MSL2: variants seen among roughly 807,000 people sequenced by gnomAD.
The protein encoded by MSL2 is E3 ubiquitin-protein ligase MSL2.
Under a neutral mutation model 35.8 loss-of-function variants are expected in MSL2, and 2 were observed. That is an observed-to-expected ratio of 0.06 (90% confidence interval 0.02 to 0.18). MSL2 has a LOEUF of 0.18. Among genes scored for constraint, MSL2 ranks in the 10% least tolerant of loss-of-function variants. The pLI is 1.00. For missense variants in MSL2, 523 were observed against 706.7 expected, an observed-to-expected ratio of 0.74 and a Z score of 2.95; for synonymous variants, 296 against 255.7, an observed-to-expected ratio of 1.16 and a Z score of -1.50.
rs1939392239 is a variant in MSL2 at position 136,152,145 on chromosome 3, A to C, written c.736T>G (p.Leu246Val). The C allele has an allele frequency of 6.2e-7, 1 of 1,614,104 alleles. No homozygotes were observed. Among genetic ancestry groups the C allele is most frequent in the African/African-American group, 1.3e-5 (1 of 74,938 alleles). ...PPVCDTVATD[L>V]CSTGIDICSF... ...CAGATATCAATGCCTGTGGAACATA[A>C]GTCAGTGGCTACTGTGTCACAAACG... Residue 246 changes from leucine (L) to valine (V), a missense_variant, in exon 2 of 2, where the codon TTA becomes GTA. By Grantham distance (32) the Leu-to-Val change is conservative. Transcript: ENST00000309993.
chr3:136,151,935 A>G lies in MSL2; in HGVS notation c.946T>C (p.Phe316Leu). 6.2e-7 allele frequency: 1 copy of G among 1,614,218 alleles called. No individual in the cohort carries two copies. Among genetic ancestry groups the G allele is most frequent in the South Asian group, 1.1e-5 (1 of 91,084 alleles). The change falls in exon 2 of 2, where the codon TTT (phenylalanine) becomes CTT (leucine). Residue 316 changes from phenylalanine (F) to leucine (L), a missense_variant. Physicochemically the swap from Phe to Leu is conservative, Grantham distance 22 (BLOSUM62 0). Coordinates refer to ENST00000309993, the MANE Select transcript of MSL2 (RefSeq NM_018133.4). The surrounding 1 kb of genome is among the most constrained non-coding windows in gnomAD (Gnocchi z 5.2). Reference sequence around the variant, plus strand: ...TGAAGTGCAGGACTGGTGGACATAAAAACATTATGGCTAAGAGACTGGGAA... The same window carrying G: ...TGAAGTGCAGGACTGGTGGACATAAGAACATTATGGCTAAGAGACTGGGAA... ...LSSQSLSHNVFMSTSPALHGL... is the reference protein window; with the variant it reads ...LSSQSLSHNVLMSTSPALHGL...
chr3:136,151,887 T>A lies in MSL2; in HGVS notation c.994A>T (p.Thr332Ser), dbSNP rs768334896. The stretch of plus-strand genomic sequence containing the variant: ...CTATTCAATTTTGCTATCTTCGGAG[T>A]TGCTGCTGTACATGATAACCCATGA... ...ALHGLSCTAA[T>S]PKIAKLNRKR... The change falls in exon 2 of 2, where the codon ACT becomes TCT. Residue 332 changes from threonine to serine, a missense_variant. Thr to Ser is a moderately conservative substitution (Grantham distance 58, BLOSUM62 1). Transcript: ENST00000309993. The surrounding 1 kb of genome is among the most constrained non-coding windows in gnomAD (Gnocchi z 5.2). 4 of 1,614,132 alleles carry A rather than the reference T, an allele frequency of 2.5e-6. No homozygotes were observed. In the South Asian group the frequency reaches 3.3e-5, roughly 13 times the overall value.
intron 1 of MSL2, among the ~76,000 whole-genome samples, chr3:136,179,737 G>C (rs916648406): frequency 9.2e-5 from 14 of 152,180 alleles, no homozygotes; most frequent in Admixed American, 3.9e-4. Context: ...TCTAAATTAA[G>C]TTTTAAAATG....
At chr3:136,194,124 C>A (rs1348341297) in intron 1 of MSL2, among the ~76,000 whole-genome samples, 1 of 152,258 alleles carries the variant, frequency 6.6e-6, no homozygotes, top group Non-Finnish European at 1.5e-5. Flanking sequence ...ATGCATATTA[C>A]TGCTTTGGCA....
intron 1 of MSL2, among the ~76,000 whole-genome samples, chr3:136,187,302 C>A (rs1361497537): frequency 1.3e-5 from 2 of 152,070 alleles, no homozygotes; most frequent in African/African-American, 4.8e-5. Context: ...TATGTTGTTC[C>A]CTTTCTTTTC....
chr3:136,179,857 A>C (rs893512121), intron 1 of MSL2, among the ~76,000 whole-genome samples: 3 of 152,114 alleles, frequency 2.0e-5, no homozygotes, highest in African/African-American at 7.2e-5. Context: ...CCTGAGGTCA[A>C]GAGTTTGAGA....
At chr3:136,194,405 G>A (rs930240606) in intron 1 of MSL2, 1 of 985,028 alleles carries the variant, frequency 1.0e-6, no homozygotes, top group African/African-American at 1.8e-5. Context: ...CAGCTAAAAA[G>A]CACTTCGAGT....
chr3:136,183,936 A>T (rs965716835), intron 1 of MSL2, among the ~76,000 whole-genome samples: 2 of 152,210 alleles, frequency 1.3e-5, no homozygotes, highest in Non-Finnish European at 2.9e-5. Context: ...AAACAAGATA[A>T]AGCAATCCTG....
chr3:136,181,921 A>T (rs150747151), intron 1 of MSL2, among the ~76,000 whole-genome samples: 6 of 147,370 alleles, frequency 4.1e-5, no homozygotes, highest in South Asian at 2.2e-4. Context: ...TCTGTCTCAA[A>T]AAATAAATAA....
chr3:136,162,339 T>C (rs886070493), intron 1 of MSL2, among the ~76,000 whole-genome samples: 1 of 150,230 alleles, frequency 6.7e-6, no homozygotes, highest in African/African-American at 2.4e-5. Context: ...TCCCAGCAGT[T>C]TGAGAGGCCA....
intron 1 of MSL2, chr3:136,194,429 C>G (rs935229534): frequency 1.0e-6 from 1 of 985,346 alleles, no homozygotes; most frequent in Non-Finnish European, 1.2e-6. Flanking sequence ...AACAGCCTTC[C>G]CCGGCTCGCT....
At chr3:136,194,542 G>GT (rs1178926422) in intron 1 of MSL2, 2 of 668,448 alleles carry the variant, frequency 3.0e-6, no homozygotes, top group East Asian at 1.4e-4. Flanking sequence ...CCACTCCCAC[G>GT]TAACACCAGT....
At chr3:136,159,869 C>G (rs932351362) in intron 1 of MSL2, among the ~76,000 whole-genome samples, 1 of 151,862 alleles carries the variant, frequency 6.6e-6, no homozygotes, top group African/African-American at 2.4e-5. Flanking sequence ...CCAAAGTGTT[C>G]TTATACGTGA....
At chr3:136,182,456 G>T (rs1576372895) in intron 1 of MSL2, among the ~76,000 whole-genome samples, 1 of 152,130 alleles carries the variant, frequency 6.6e-6, no homozygotes, top group Non-Finnish European at 1.5e-5. Flanking sequence ...CTGAAAAGGG[G>T]AACAAATATA....
chr3:136,158,731 C>T (rs577455558), intron 1 of MSL2, among the ~76,000 whole-genome samples: 1 of 152,260 alleles, frequency 6.6e-6, no homozygotes, highest in East Asian at 1.9e-4. Context: ...AACGCACACA[C>T]GCAAACTACT....
intron 1 of MSL2, among the ~76,000 whole-genome samples, chr3:136,175,700 A>G (rs1940153820): frequency 6.6e-6 from 1 of 152,048 alleles, no homozygotes; most frequent in Admixed American, 6.6e-5. Context: ...CAACAACAAC[A>G]ACAAGTCTGA....
chr3:136,182,193 A>G (rs1940386935), intron 1 of MSL2, among the ~76,000 whole-genome samples: 1 of 152,162 alleles, frequency 6.6e-6, no homozygotes, highest in Admixed American at 6.5e-5. Context: ...GTGGCTACTG[A>G]GCATTTACAA....
At chr3:136,189,210 G>A (rs922408964) in intron 1 of MSL2, among the ~76,000 whole-genome samples, 1 of 146,784 alleles carries the variant, frequency 6.8e-6, no homozygotes, top group Non-Finnish European at 1.5e-5. Flanking sequence ...TGAGGTGGGA[G>A]GACAGCTTAA....
intron 1 of MSL2, among the ~76,000 whole-genome samples, chr3:136,159,424 T>C (rs2108065541): frequency 7.7e-6 from 1 of 130,516 alleles, no homozygotes; most frequent in South Asian, 2.6e-4. Flanking sequence ...AGTGCAGTGG[T>C]GCCATCTCGG....
Sources: gnomAD v4.1 joint callset for allele counts (sites outside exome capture counted in the v4.1 genomes callset) on GRCh38, gnomAD v4.1.1 for gene constraint, Gnocchi (gnomAD v3.1) non-coding constraint, MANE v1.5 for transcripts, NCBI Gene and HGNC (gene_info 2026-07-23, HGNC 2026-07-21) for gene names.